CSMD1: variants seen among roughly 807,000 people sequenced by gnomAD.
The protein encoded by CSMD1 is CUB and sushi domain-containing protein 1.
A neutral mutation model predicts 417.5 loss-of-function variants in CSMD1; 213 were observed. That is an observed-to-expected ratio of 0.51 (90% CI 0.46 to 0.57). The LOEUF is 0.57. Ranked by LOEUF, CSMD1 falls within the 20% of genes least tolerant of loss-of-function variation. CSMD1 has a pLI of 0.00. For synonymous variants in CSMD1, 2,862 were observed against 1,736.8 expected, an observed-to-expected ratio of 1.65 and a Z score of -16.11; for missense variants, 6,923 against 4,529.7, an observed-to-expected ratio of 1.53 and a Z score of -15.17.
chr8:3,498,191 T>A (rs1169977458), intron 10 of CSMD1, among the ~76,000 whole-genome samples: 2 of 152,194 alleles, frequency 1.3e-5, no homozygotes, highest in Non-Finnish European at 2.9e-5. Context: ...GCTTCTTGCT[T>A]ATATTTGACT....
intron 11 of CSMD1, among the ~76,000 whole-genome samples, chr8:3,475,139 A>T (rs992272300): frequency 2.6e-5 from 4 of 152,036 alleles, no homozygotes; most frequent in African/African-American, 7.2e-5. Flanking sequence ...AGAGTCTTTG[A>T]AGACTCTGAG....
chr8:4,361,675 G>A (rs1462683086), intron 3 of CSMD1, among the ~76,000 whole-genome samples: 1 of 152,150 alleles, frequency 6.6e-6, no homozygotes, highest in Non-Finnish European at 1.5e-5. Flanking sequence ...CAGCAGCCAG[G>A]TGCGACGGCT....
chr8:3,748,884 G>C (rs1007214912), intron 6 of CSMD1, among the ~76,000 whole-genome samples: 2 of 152,180 alleles, frequency 1.3e-5, no homozygotes, highest in African/African-American at 2.4e-5. Context: ...CCACTGTCAG[G>C]GTTTCCCTTG....
At chr8:4,198,862 C>T (rs574600274) in intron 3 of CSMD1, among the ~76,000 whole-genome samples, 16 of 152,192 alleles carry the variant, frequency 1.1e-4, no homozygotes, top group African/African-American at 3.6e-4. Context: ...AACAATATCA[C>T]GTATTTCCCC....
intron 5 of CSMD1, among the ~76,000 whole-genome samples, chr8:3,876,296 T>C (rs1805812233): frequency 6.6e-6 from 1 of 152,140 alleles, no homozygotes; most frequent in South Asian, 2.1e-4. Flanking sequence ...TTTTTAGAAT[T>C]AGTATGGGAA....
In CSMD1 at chr8:3,608,171, C is replaced by G. The variant is rs1168145861; in HGVS notation, c.1097+8539G>C. ...CCTGGGCAACAGAGCAAGAAGCCATCTCAAAAAAAAAAAAAAAAAAAGTAA... is the reference window on the plus strand; with the variant it reads ...CCTGGGCAACAGAGCAAGAAGCCATGTCAAAAAAAAAAAAAAAAAAAGTAA... On this transcript the variant is annotated intron_variant, in intron 8 of 69. Transcript: ENST00000635120. Among the ~76,000 whole-genome samples the G allele has an allele frequency of 4.6e-5, 5 of 107,572 alleles. No individual in the cohort carries two copies. In the East Asian group the frequency reaches 1.1e-3, roughly 24 times the overall value. 70.6% of individuals were successfully genotyped at this position (107,572 alleles called of 152,430 possible). A position where few individuals can be genotyped will look rare whatever the true frequency, so the allele number is the denominator to read the frequency against.
intron 10 of CSMD1, among the ~76,000 whole-genome samples, chr8:3,510,898 G>A (rs1002413714): frequency 2.0e-5 from 3 of 151,738 alleles, no homozygotes; most frequent in Non-Finnish European, 4.4e-5. Flanking sequence ...GTAGGTTCTG[G>A]ATATTAGCCC....
chr8:4,839,207 C>A (rs28405508), intron 1 of CSMD1, among the ~76,000 whole-genome samples: 61,187 of 152,030 alleles, frequency 0.4, 13,875 homozygotes, highest in East Asian at 0.68. Flanking sequence ...TCATGAGTCA[C>A]TCTGAATATG....
In CSMD1 at chr8:4,322,527, C is replaced by T. The variant is rs557540965; in HGVS notation, c.415+97426G>A. On this transcript the variant is annotated intron_variant, in intron 3 of 69. Transcript: ENST00000635120. ...GGGTTCAGGGAAGGCTGTATAAAAA[C>T]ATAACATTTGAGGTAGGCCCTGAAG... Among the ~76,000 whole-genome samples the T allele has an allele frequency of 3.3e-5, 5 of 152,170 alleles. No homozygotes were observed. In the South Asian group the frequency reaches 1.0e-3, roughly 32 times the overall value.
chr8:4,039,750 T>G (rs533204026), intron 3 of CSMD1, among the ~76,000 whole-genome samples: 155 of 152,286 alleles, frequency 1.0e-3, no homozygotes, highest in African/African-American at 3.7e-3. Context: ...GATAAATTGA[T>G]GTGGGGGAAG....
chr8:3,240,025 T>C (rs1029853175), intron 26 of CSMD1, among the ~76,000 whole-genome samples: 11 of 152,002 alleles, frequency 7.2e-5, no homozygotes, highest in African/African-American at 2.7e-4. Context: ...ATGAGAACTG[T>C]AGAGAGTGAG....
intron 5 of CSMD1, among the ~76,000 whole-genome samples, chr8:3,857,858 G>A (rs1263044638): frequency 1.3e-5 from 2 of 152,222 alleles, no homozygotes; most frequent in Non-Finnish European, 2.9e-5. Flanking sequence ...TACCTTTGCT[G>A]AGTGAGAGAT....
Position 3,091,517 on chromosome 8 carries a change from T to G in CSMD1, c.7284A>C (p.Ala2428=), listed in dbSNP as rs1814943175. 2.5e-6 allele frequency: 4 copies of G among 1,600,768 alleles called. No individual in the cohort carries two copies. Among genetic ancestry groups the G allele is most frequent in the Non-Finnish European group, 2.5e-6 (3 of 1,176,682 alleles). ...TSKKGFKIRY[A]APYCSLTHPL... is the part of the protein sequence containing the mutation. ...AAAATCTAAACCTCATTTACTTACC[T>G]GCATAGCGAATCTTGAATCCTTTCT... Residue 2428 remains alanine, a splice_region_variant and synonymous_variant, in exon 48 of 70, where the codon GCA becomes GCC. Transcript: ENST00000635120.
intron 2 of CSMD1, among the ~76,000 whole-genome samples, chr8:4,559,661 T>A (rs112251868): frequency 1.1e-3 from 161 of 152,360 alleles, no homozygotes; most frequent in African/African-American, 3.7e-3. Flanking sequence ...TTCATATTTA[T>A]GTAACCTATA....
At chr8:4,504,480 C>T (rs1802418148) in intron 2 of CSMD1, among the ~76,000 whole-genome samples, 2 of 152,198 alleles carry the variant, frequency 1.3e-5, no homozygotes, top group African/African-American at 4.8e-5. Context: ...GTGAAGTGTT[C>T]TTTATTTAAG....
intron 5 of CSMD1, among the ~76,000 whole-genome samples, chr8:3,923,878 G>C (rs113914988): frequency 6.6e-6 from 1 of 152,000 alleles, no homozygotes; most frequent in African/African-American, 2.4e-5. Flanking sequence ...GTCTTTCTTT[G>C]CTTGTAGCTA....
intron 3 of CSMD1, among the ~76,000 whole-genome samples, chr8:4,257,471 G>T (rs921913975): frequency 6.6e-6 from 1 of 152,040 alleles, no homozygotes; most frequent in Non-Finnish European, 1.5e-5. Flanking sequence ...ATAGTTTTAA[G>T]AATGCATATA....
chr8:4,351,105 G>T (rs1313421019), intron 3 of CSMD1, among the ~76,000 whole-genome samples: 2 of 151,810 alleles, frequency 1.3e-5, no homozygotes, highest in Non-Finnish European at 2.9e-5. Context: ...GATCGCCTGA[G>T]CCCAGGGGTT....
At chr8:4,155,409 T>A (rs1458210390) in intron 3 of CSMD1, among the ~76,000 whole-genome samples, 1 of 152,178 alleles carries the variant, frequency 6.6e-6, no homozygotes, top group African/African-American at 2.4e-5. Context: ...ACTTTATAAA[T>A]CAGAACTTGC....
Sources: gnomAD v4.1 joint callset for allele counts (sites outside exome capture counted in the v4.1 genomes callset) on GRCh38, gnomAD v4.1.1 for gene constraint, MANE v1.5 for transcripts, NCBI Gene and HGNC (gene_info 2026-07-23, HGNC 2026-07-21) for gene names.